Variants in EDNRB observed in about 807,000 individuals in gnomAD.
EDNRB encodes endothelin receptor type B.
EDNRB carries 18 observed loss-of-function variants against 46.4 expected under a neutral mutation model. The ratio of observed to expected loss-of-function variants is 0.39; its 90% CI spans 0.27 to 0.57. The LOEUF is 0.57. Ranked by LOEUF, EDNRB falls within the 20% of genes least tolerant of loss-of-function variation. EDNRB has a pLI of 0.61. For synonymous variants in EDNRB, 213 were observed against 204.9 expected (o/e 1.04, Z -0.34); for missense variants, 434 against 537.5 (o/e 0.81, Z 1.90).
rs1051262746 is a variant in EDNRB at position 77,896,473 on chromosome 13, A to T, written c.*1727T>A. Reference sequence around the variant, plus strand: ...ATTATTGCTCTTTCTTTCTGGCCACATTGTTGGGTTTTGGTTTACTGTACC... The same window carrying T: ...ATTATTGCTCTTTCTTTCTGGCCACTTTGTTGGGTTTTGGTTTACTGTACC... On this transcript the variant is annotated 3_prime_UTR_variant, in exon 7 of 7. Transcript: ENST00000646607. 1 of 1,578,088 alleles carries T rather than the reference A, an allele frequency of 6.3e-7. No homozygotes were observed. The highest frequency in any genetic ancestry group is 1.3e-5 in the African/African-American group (1 of 74,416).
chr13:77,949,164 T>C (rs913490024), intron 1 of EDNRB, among the ~76,000 whole-genome samples: 4 of 152,194 alleles, frequency 2.6e-5, no homozygotes, highest in African/African-American at 9.7e-5. Flanking sequence ...GCCACACAGG[T>C]ATGTCACTTA....
At chr13:77,921,158 C>T (rs1050106574), upstream of EDNRB, among the ~76,000 whole-genome samples, 39 of 152,168 alleles carry the variant, frequency 2.6e-4, no homozygotes, top group African/African-American at 9.4e-4. Flanking sequence ...AGGACAGGGA[C>T]TTGAATGAGT....
chr13:77,909,259 TTA>T (rs2137624499), intron 1 of EDNRB, among the ~76,000 whole-genome samples: 1 of 152,184 alleles, frequency 6.6e-6, no homozygotes, highest in Non-Finnish European at 1.5e-5. Context: ...TTCTATTACA[TTA>T]TAAAGTCATT....
intron 1 of EDNRB, among the ~76,000 whole-genome samples, chr13:77,964,779 A>T (rs1390230093): frequency 6.6e-6 from 1 of 152,166 alleles, no homozygotes; most frequent in Non-Finnish European, 1.5e-5. Context: ...AAGTATAATA[A>T]AAGAGAAGAA....
At chr13:77,919,138 C>T (rs890819656), upstream of EDNRB, 13 of 520,688 alleles carry the variant, frequency 2.5e-5, no homozygotes, top group Middle Eastern at 5.3e-4. Context: ...AGCTACAGCT[C>T]CCGCAGCGCG....
chr13:77,947,201 T>G (rs1036033958), intron 1 of EDNRB, among the ~76,000 whole-genome samples: 1 of 152,160 alleles, frequency 6.6e-6, no homozygotes, highest in Non-Finnish European at 1.5e-5. Context: ...AAAATACTAA[T>G]TATCATTTTA....
chr13:77,908,910 G>C (rs1051917224), intron 1 of EDNRB, among the ~76,000 whole-genome samples: 3 of 151,956 alleles, frequency 2.0e-5, no homozygotes, highest in Admixed American at 1.3e-4. Flanking sequence ...TCAAATATGA[G>C]CCAGTTGGCA....
Position 77,944,829 on chromosome 13 carries a change from G to A in EDNRB, c.-51-26205C>T, listed in dbSNP as rs190788203. ...CCTGCATGTTAGAGGATTAGTGCTT[G>A]CATGTTGAGTAGGAGCCAATCCCAG... On this transcript the variant is annotated intron_variant, in intron 1 of 7. Transcript: ENST00000646948. 3 of 152,284 alleles carry A rather than the reference G, an allele frequency of 2.0e-5. No homozygotes were observed. The East Asian group carries it at 5.8e-4, about 29-fold the overall frequency. The allele number at this position is 152,284 out of a possible 1,614,324, so 9.4% of individuals were successfully genotyped here.
intron 1 of EDNRB, among the ~76,000 whole-genome samples, chr13:77,948,838 A>G (rs1188144212): frequency 2.0e-5 from 3 of 152,224 alleles, no homozygotes; most frequent in African/African-American, 4.8e-5. Context: ...ATAGTAGAAA[A>G]TATACTTTCT....
At position 77,900,555 on chromosome 13, in the gene EDNRB, T is replaced by C. The variant is rs1335692950; in HGVS notation, c.1051A>G (p.Asn351Asp). Reference protein sequence around the residue: ...LSRILKLTLYNQNDPNRCELL... With the variant: ...LSRILKLTLYDQNDPNRCELL... Reference sequence around the variant, plus strand: ...TCACATCTATTGGGATCATTCTGATTATAAAGAGTGAGCTTCAGAATCCTG... The same window carrying C: ...TCACATCTATTGGGATCATTCTGATCATAAAGAGTGAGCTTCAGAATCCTG... Residue 351 changes from asparagine (N) to aspartate (D), a missense_variant, in exon 5 of 7, where the codon AAT (asparagine) becomes GAT (aspartate). By Grantham distance (23) the Asn-to-Asp change is conservative. Coordinates refer to ENST00000646607, the MANE Select transcript of EDNRB (RefSeq NM_001122659.3). 4 of 1,612,446 alleles carry C rather than the reference T, an allele frequency of 2.5e-6. No individual in the cohort carries two copies. In the African/African-American group the frequency reaches 5.3e-5, roughly 22 times the overall value.
Position 77,936,408 on chromosome 13 carries a change from A to G in EDNRB, c.-51-17784T>C, listed in dbSNP as rs368623820. Reference sequence around the variant, plus strand: ...TTTTAAGAGGTTTAGAAGCCTGGCCATCAATACCCACAACAGTTATGGAGG... The same window carrying G: ...TTTTAAGAGGTTTAGAAGCCTGGCCGTCAATACCCACAACAGTTATGGAGG... On this transcript the variant is annotated intron_variant, in intron 1 of 7. Coordinates refer to the EDNRB transcript ENST00000646948. Among the ~76,000 whole-genome samples, 154 of 152,278 alleles carry G rather than the reference A, an allele frequency of 1.0e-3. 1 individual carries two copies. Among genetic ancestry groups the G allele is most frequent in the Non-Finnish European group, 1.8e-3 (122 of 68,016 alleles).
intron 1 of EDNRB, among the ~76,000 whole-genome samples, chr13:77,906,688 T>C (rs1325335549): frequency 6.6e-6 from 1 of 152,000 alleles, no homozygotes; most frequent in Non-Finnish European, 1.5e-5. Flanking sequence ...AGACAAACGT[T>C]TGGACAACTG....
At chr13:77,963,107 A>G (rs1881475022) in intron 1 of EDNRB, among the ~76,000 whole-genome samples, 2 of 152,230 alleles carry the variant, frequency 1.3e-5, no homozygotes, top group African/African-American at 4.8e-5. Flanking sequence ...ACCACTGCTC[A>G]ACGAAATAAA....
chr13:77,945,895 A>C (rs1200918833), intron 1 of EDNRB, among the ~76,000 whole-genome samples: 3 of 138,972 alleles, frequency 2.2e-5, no homozygotes, highest in Non-Finnish European at 4.8e-5. Context: ...AAAAAAAAAC[A>C]AAAAAAACAC....
intron 1 of EDNRB, among the ~76,000 whole-genome samples, chr13:77,926,208 A>G (rs545765394): frequency 6.6e-6 from 1 of 152,258 alleles, no homozygotes; most frequent in South Asian, 2.1e-4. Context: ...GATCCTTGCT[A>G]CTTATGTCAA....
chr13:77,964,413 T>C (rs1161371838), intron 1 of EDNRB, among the ~76,000 whole-genome samples: 1 of 151,996 alleles, frequency 6.6e-6, no homozygotes, highest in Non-Finnish European at 1.5e-5. Flanking sequence ...ATTGAGAAAA[T>C]GTGGCACATA....
At chr13:77,958,899 G>A (rs1001919031) in intron 1 of EDNRB, among the ~76,000 whole-genome samples, 1 of 152,150 alleles carries the variant, frequency 6.6e-6, no homozygotes, top group African/African-American at 2.4e-5. Flanking sequence ...CACCTTGAGT[G>A]GAATGTGGTA....
chr13:77,969,422 G>T (rs1048973086), intron 1 of EDNRB, among the ~76,000 whole-genome samples: 1 of 152,114 alleles, frequency 6.6e-6, no homozygotes, highest in South Asian at 2.1e-4. Context: ...ACAGGAGTGT[G>T]GTACAATTAT....
At chr13:77,960,369 TG>T (rs895125373) in intron 1 of EDNRB, among the ~76,000 whole-genome samples, 1 of 151,904 alleles carries the variant, frequency 6.6e-6, no homozygotes, top group Non-Finnish European at 1.5e-5. Context: ...CAGAAGAGAG[TG>T]GGGGCCAATA....
Sources: allele counts gnomAD v4.1 joint callset (sites outside exome capture counted in the v4.1 genomes callset), GRCh38; gene constraint gnomAD v4.1.1; transcripts MANE v1.5; gene names NCBI Gene and HGNC (gene_info 2026-07-23, HGNC 2026-07-21).